Variants in TTLL5 observed in about 807,000 individuals in gnomAD.
TTLL5 encodes the protein tubulin polyglutamylase TTLL5.
A neutral mutation model predicts 168.4 loss-of-function variants in TTLL5; 132 were observed. That is an observed-to-expected ratio of 0.78 (90% confidence interval 0.68 to 0.91). The LOEUF (loss-of-function observed/expected upper bound fraction) is 0.91. TTLL5 is among the 40% of genes least tolerant of loss of function. The pLI is 0.00. For missense variants in TTLL5, 1,545 were observed against 1,581.5 expected (o/e 0.98, Z 0.39); for synonymous variants, 546 against 558.6 (o/e 0.98, Z 0.32).
At chr14:75,731,521 C>G (rs1888545819) in intron 12 of TTLL5, among the ~76,000 whole-genome samples, 1 of 151,920 alleles carries the variant, frequency 6.6e-6, no homozygotes, top group Non-Finnish European at 1.5e-5. Context: ...TAAATGAAAC[C>G]AGGCATTCTG....
chr14:75,779,683 T>C lies in TTLL5; in HGVS notation c.2496T>C (p.Ser832=), dbSNP rs901288616. The change falls in exon 24 of 32, where the codon TCT becomes TCC. Residue 832 remains serine, a synonymous_variant. Coordinates refer to ENST00000298832, the MANE Select transcript of TTLL5 (RefSeq NM_015072.5). Reference sequence around the variant, plus strand: ...TTTCTAAGAACAACAACAATTATTCTGATAGTGGGGCAAAAGGTGGTAAGT... The same window carrying C: ...TTTCTAAGAACAACAACAATTATTCCGATAGTGGGGCAAAAGGTGGTAAGT... The part of the protein sequence containing the change: ...SKISKNNNNY[S]DSGAKGDHPE... The C allele has an allele frequency of 1.9e-6, 3 of 1,612,478 alleles. No individual in the cohort carries two copies. The highest frequency in any genetic ancestry group is 2.5e-6 in the Non-Finnish European group (3 of 1,179,548).
intron 18 of TTLL5, among the ~76,000 whole-genome samples, chr14:75,763,253 C>CTGTGTGAGTG (rs202149877): frequency 6.9e-6 from 1 of 145,398 alleles, no homozygotes; most frequent in Non-Finnish European, 1.5e-5. Context: ...ATAGCTCTCT[C>CTGTGTGAGTG]TCTGTGTGTG....
At chr14:75,664,126 C>T (rs1883084152) in intron 2 of TTLL5, among the ~76,000 whole-genome samples, 1 of 151,918 alleles carries the variant, frequency 6.6e-6, no homozygotes, top group African/African-American at 2.4e-5. Context: ...ATAGCTACTA[C>T]AGATGACGAT....
chr14:75,693,374 A>G (rs1885595772), intron 6 of TTLL5, among the ~76,000 whole-genome samples: 1 of 152,214 alleles, frequency 6.6e-6, no homozygotes, highest in African/African-American at 2.4e-5. Context: ...TAAAAACACT[A>G]GAGACACCAG....
At chr14:75,925,381 G>A (rs1249134902) in intron 31 of TTLL5, among the ~76,000 whole-genome samples, 91 of 147,718 alleles carry the variant, frequency 6.2e-4, no homozygotes, top group African/African-American at 9.9e-4. Flanking sequence ...AGACGGGGTC[G>A]CGACCGGGCA....
chr14:75,796,764 T>C (rs1260365825), intron 27 of TTLL5, among the ~76,000 whole-genome samples: 1 of 152,196 alleles, frequency 6.6e-6, no homozygotes, highest in Non-Finnish European at 1.5e-5. Context: ...CTGGGTTTTC[T>C]ATTCTGTTCT....
chr14:75,916,935 A>C (rs2033637217), intron 31 of TTLL5, among the ~76,000 whole-genome samples: 1 of 152,246 alleles, frequency 6.6e-6, no homozygotes, highest in African/African-American at 2.4e-5. Flanking sequence ...CAATCACAAA[A>C]AGACAAGTAC....
At chr14:75,902,915 T>C (rs1027849611) in intron 31 of TTLL5, among the ~76,000 whole-genome samples, 2 of 152,214 alleles carry the variant, frequency 1.3e-5, no homozygotes, top group Non-Finnish European at 2.9e-5. Flanking sequence ...AACAAGACAG[T>C]CTGCTCTTAG....
rs78249454 is a variant in TTLL5 at position 75,772,460 on chromosome 14, T to C, written c.2136+606T>C. Among the ~76,000 whole-genome samples, 79 of 152,300 alleles carry C rather than the reference T, an allele frequency of 5.2e-4. 1 individual carries two copies. The East Asian group carries it at 0.014, about 26-fold the overall frequency. On this transcript the variant is annotated intron_variant, in intron 21 of 31. Transcript: ENST00000298832. Reference sequence around the variant, plus strand: ...GAATATACCATCCTCCAAGTTGGTATTTTTTACTTTACTAGTTGTAACCTC... The same window carrying C: ...GAATATACCATCCTCCAAGTTGGTACTTTTTACTTTACTAGTTGTAACCTC...
At chr14:75,896,229 C>CTGTGTG (rs59064445) in intron 30 of TTLL5, among the ~76,000 whole-genome samples, 8 of 151,428 alleles carry the variant, frequency 5.3e-5, no homozygotes, top group Admixed American at 4.0e-4. Context: ...CAGCGTATAC[C>CTGTGTG]TGTGTGTGTG....
At chr14:75,727,886 G>T in intron 12 of TTLL5, 1 of 485,762 alleles carries the variant, frequency 2.1e-6, no homozygotes, top group Admixed American at 2.2e-5. Flanking sequence ...TTACTAGGAA[G>T]CAGCACAAGG....
At chr14:75,894,150 A>C (rs911748468) in intron 30 of TTLL5, among the ~76,000 whole-genome samples, 1 of 152,248 alleles carries the variant, frequency 6.6e-6, no homozygotes, top group Non-Finnish European at 1.5e-5. Flanking sequence ...CTTTACACTT[A>C]GGAAAAAATA....
intron 20 of TTLL5, among the ~76,000 whole-genome samples, chr14:75,768,083 G>A (rs367599807): frequency 5.9e-5 from 9 of 152,214 alleles, no homozygotes; most frequent in African/African-American, 2.2e-4. Context: ...GAACAGGATT[G>A]TATAGTTGGT....
At chr14:75,789,610 A>G (rs1892573089) in intron 26 of TTLL5, among the ~76,000 whole-genome samples, 1 of 152,186 alleles carries the variant, frequency 6.6e-6, no homozygotes, top group South Asian at 2.1e-4. Flanking sequence ...GTTTTTAAAA[A>G]TATCACTAAT....
At chr14:75,737,349 T>C (rs765636373) in intron 15 of TTLL5, among the ~76,000 whole-genome samples, 13 of 152,132 alleles carry the variant, frequency 8.5e-5, no homozygotes, top group Non-Finnish European at 1.8e-4. Flanking sequence ...GTGCCCTCAG[T>C]GGTGAGAAGT....
At chr14:75,679,298 A>G (rs576218228) in intron 3 of TTLL5, among the ~76,000 whole-genome samples, 8 of 152,280 alleles carry the variant, frequency 5.3e-5, no homozygotes, top group South Asian at 2.1e-4. Context: ...GAAAAAGACT[A>G]CATGCAACCA....
chr14:75,902,269 A>G (rs775569665), intron 31 of TTLL5, 45 bp downstream of exon 31: 71 of 1,597,928 alleles, frequency 4.4e-5, no homozygotes, highest in Non-Finnish European at 6.0e-5. Context: ...ATGACAGGGA[A>G]GGTGTTGGGC....
chr14:75,751,760 G>A (rs1481060991), intron 17 of TTLL5, among the ~76,000 whole-genome samples: 4 of 152,114 alleles, frequency 2.6e-5, no homozygotes, highest in South Asian at 4.2e-4. Context: ...AAGGGATCCC[G>A]ATCCAGACCC....
intron 23 of TTLL5, among the ~76,000 whole-genome samples, chr14:75,777,654 CAGTA>C (rs746419776): frequency 2.6e-5 from 4 of 152,024 alleles, no homozygotes; most frequent in Non-Finnish European, 5.9e-5. Context: ...GATAAAAAAA[CAGTA>C]AGCCCCATTA....
Sources: gnomAD v4.1 joint callset for allele counts (sites outside exome capture counted in the v4.1 genomes callset) on GRCh38, gnomAD v4.1.1 for gene constraint, MANE v1.5 for transcripts, NCBI Gene and HGNC (gene_info 2026-07-23, HGNC 2026-07-21) for gene names.